ATAD5: variants seen among roughly 807,000 people sequenced by gnomAD.
The protein encoded by ATAD5 is ATPase family AAA domain-containing protein 5.
A neutral mutation model predicts 176.9 loss-of-function variants in ATAD5; 58 were observed. The observed-to-expected ratio is 0.33, with a 90% CI of 0.27 to 0.41. ATAD5 has a LOEUF of 0.41. Ranked by LOEUF, ATAD5 falls within the 10% of genes least tolerant of loss-of-function variation. The pLI is 1.00. For synonymous variants in ATAD5, 640 were observed against 712.6 expected (o/e 0.90, Z 1.62); for missense variants, 1,789 against 2,094.1 (o/e 0.85, Z 2.84).
At chr17:30,851,239 A>G (rs986217019) in intron 6 of ATAD5, among the ~76,000 whole-genome samples, 23 of 150,146 alleles carry the variant, frequency 1.5e-4, no homozygotes, top group African/African-American at 5.1e-4. Flanking sequence ...GCTCACATCT[A>G]TAATCCCAGC....
chr17:30,845,996 G>A (rs1021212966), intron 6 of ATAD5, among the ~76,000 whole-genome samples: 1 of 152,120 alleles, frequency 6.6e-6, no homozygotes, highest in Non-Finnish European at 1.5e-5. Context: ...CTTTTTTTCT[G>A]TTCAAGTTTT....
Position 30,878,718 on chromosome 17 carries a change from GTTTTTTTTTTTTTT to G in ATAD5, c.4012+639_4012+652del, listed in dbSNP as rs71142005. On this transcript the variant is annotated intron_variant, in intron 17 of 22. Transcript: ENST00000321990. ...TCTTATTAATCAGAAGTTAGGTGGT[GTTTTTTTTTTTTTT>G]TTTTTTTTTTTTTTTTGGAGACAGA... Among the ~76,000 whole-genome samples the G allele has an allele frequency of 3.7e-4, 21 of 56,880 alleles. No homozygotes were observed. The South Asian group carries it at 5.3e-3, about 14-fold the overall frequency. 37.3% of individuals were successfully genotyped at this position (56,880 alleles called of 152,430 possible). A position where few individuals can be genotyped will look rare whatever the true frequency, so the allele number is the denominator to read the frequency against.
intron 4 of ATAD5, 46 bp downstream of exon 4, chr17:30,840,827 C>A: frequency 6.5e-7 from 1 of 1,541,414 alleles, no homozygotes; most frequent in Non-Finnish European, 8.8e-7. Context: ...TCCTATTTTG[C>A]TGTTTGGAGT....
At position 30,834,874 on chromosome 17, in the gene ATAD5, G is replaced by A. The variant is rs778985545; in HGVS notation, c.793G>A (p.Val265Ile). ...AAQLNDSIIT[V>I]SYEEFLKSHK... ...CCAGTTAAATGATAGTATAATAACT[G>A]TCTCATATGAGGAATTTTTAAAAAG... The change falls in exon 2 of 23, where the codon GTC becomes ATC. Residue 265 changes from valine to isoleucine, a missense_variant. By Grantham distance (29) the Val-to-Ile change is conservative. Around this residue, in one of 6 missense-constraint regions of ATAD5, gnomAD observed 696 missense variants for 712.5 expected, o/e 0.98. Coordinates refer to ENST00000321990, the MANE Select transcript of ATAD5 (RefSeq NM_024857.5). The A allele has an allele frequency of 6.2e-7, 1 of 1,613,598 alleles. No individual in the cohort carries two copies. Among genetic ancestry groups the A allele is most frequent in the South Asian group, 1.1e-5 (1 of 90,942 alleles).
chr17:30,833,767 G>A (rs984471778), intron 1 of ATAD5, among the ~76,000 whole-genome samples: 2 of 152,204 alleles, frequency 1.3e-5, no homozygotes, highest in African/African-American at 2.4e-5. Context: ...TGCAACCTCC[G>A]CCTCCCAGGT....
At chr17:30,858,380 TTTA>T in intron 9 of ATAD5, 57 bp downstream of exon 9, 2 of 1,140,702 alleles carry the variant, frequency 1.8e-6, no homozygotes, top group East Asian at 3.2e-5. Flanking sequence ...TTTTATATTA[TTTA>T]TTATTTTATT....
chr17:30,881,394 G>T (rs1194951191), intron 18 of ATAD5, among the ~76,000 whole-genome samples: 2 of 152,050 alleles, frequency 1.3e-5, no homozygotes, highest in Non-Finnish European at 2.9e-5. Context: ...CCAACTCCTG[G>T]GTTCAAGCAA....
At chr17:30,847,582 G>A (rs563788449) in intron 6 of ATAD5, among the ~76,000 whole-genome samples, 2 of 151,402 alleles carry the variant, frequency 1.3e-5, no homozygotes, top group East Asian at 3.9e-4. Context: ...CGCCTGCCTC[G>A]GCCTCCCAAA....
chr17:30,869,743 C>T, intron 14 of ATAD5, 97 bp downstream of exon 14: 1 of 1,351,436 alleles, frequency 7.4e-7, no homozygotes, highest in Non-Finnish European at 1.0e-6. Flanking sequence ...TATTTTTTAT[C>T]TTCTACACGT....
chr17:30,839,660 A>T (rs151074696), intron 3 of ATAD5, among the ~76,000 whole-genome samples: 1,397 of 57,192 alleles, frequency 0.024, 59 homozygotes, highest in Admixed American at 0.14. Flanking sequence ...GCTCACTGCA[A>T]CCTCGGCTTC....
chr17:30,869,878 A>G, intron 14 of ATAD5: 3 of 474,852 alleles, frequency 6.3e-6, no homozygotes, highest in South Asian at 2.5e-5. Flanking sequence ...AAGCATAACT[A>G]TAATATCGTA....
chr17:30,858,289 C>G lies in ATAD5; in HGVS notation c.2922C>G (p.His974Gln), dbSNP rs377366933. 108 of 1,571,632 alleles carry G rather than the reference C, an allele frequency of 6.9e-5. No individual in the cohort carries two copies. The highest frequency in any genetic ancestry group is 8.5e-5 in the Non-Finnish European group (99 of 1,159,108). The change falls in exon 9 of 23, where the codon CAC becomes CAG. Residue 974 changes from histidine to glutamine, a missense_variant. Physicochemically the swap from His to Gln is conservative, Grantham distance 24. This residue lies in a region of ATAD5 where 487 missense variants were observed against 573.6 expected (regional missense o/e 0.85). Coordinates refer to ENST00000321990, the MANE Select transcript of ATAD5 (RefSeq NM_024857.5). Reference protein sequence around the residue: ...FPLLLKKQIEHQVLSSECHSK... With the variant: ...FPLLLKKQIEQQVLSSECHSK... ...TACTCCTAAAAAAACAAATTGAGCA[C>G]CAAGTACTTTCTTCCGAGTGTCATA...
chr17:30,842,898 C>T (rs1259242444), intron 4 of ATAD5, among the ~76,000 whole-genome samples: 1 of 152,092 alleles, frequency 6.6e-6, no homozygotes, highest in Non-Finnish European at 1.5e-5. Flanking sequence ...CATGCACCAT[C>T]ACACCTGGCT....
At chr17:30,888,968 G>A (rs1009261837) in intron 19 of ATAD5, among the ~76,000 whole-genome samples, 9 of 151,186 alleles carry the variant, frequency 6.0e-5, no homozygotes, top group Non-Finnish European at 8.8e-5. Context: ...GCTGAGGCAG[G>A]AGAATTGCTT....
intron 18 of ATAD5, among the ~76,000 whole-genome samples, chr17:30,883,211 A>T (rs950930268): frequency 6.8e-6 from 1 of 147,954 alleles, no homozygotes; most frequent in African/African-American, 2.5e-5. Context: ...TGCAACCTCT[A>T]CCTCCTGGGC....
chr17:30,837,262 G>T lies in ATAD5; in HGVS notation c.2024G>T (p.Arg675Ile). 3 of 1,581,254 alleles carry T rather than the reference G, an allele frequency of 1.9e-6. No individual in the cohort carries two copies. Among genetic ancestry groups the T allele is most frequent in the Non-Finnish European group, 2.6e-6 (3 of 1,168,348 alleles). ...PKKSKKKSNK[R>I]SEKSEATDGG... is the part of the protein sequence containing the mutation. ...AAATCTAAGAAAAAATCTAACAAAAGATCTGAGAAATCTGAAGCAACTGAT... is the reference window on the plus strand; with the variant it reads ...AAATCTAAGAAAAAATCTAACAAAATATCTGAGAAATCTGAAGCAACTGAT... The change falls in exon 3 of 23, where the codon AGA becomes ATA. Residue 675 changes from arginine to isoleucine, a missense_variant. Physicochemically the swap from Arg to Ile is moderately conservative, Grantham distance 97. Coordinates refer to ENST00000321990, the MANE Select transcript of ATAD5 (RefSeq NM_024857.5).
intron 19 of ATAD5, among the ~76,000 whole-genome samples, chr17:30,887,950 G>A (rs1909410848): frequency 6.6e-6 from 1 of 151,922 alleles, no homozygotes; most frequent in Non-Finnish European, 1.5e-5. Context: ...TCCTGCCTCA[G>A]CCTCCCGAGT....
In ATAD5 at chr17:30,893,846, G is replaced by T. The variant is rs1483248464; in HGVS notation, c.4993G>T (p.Asp1665Tyr). 2 of 1,613,944 alleles carry T rather than the reference G, an allele frequency of 1.2e-6. No homozygotes were observed. The highest frequency in any genetic ancestry group is 1.7e-5 in the Admixed American group (1 of 60,004). Residue 1665 changes from aspartate (D) to tyrosine (Y), a missense_variant, in exon 21 of 23, where the codon GAT (aspartate) becomes TAT (tyrosine). By Grantham distance (160) the Asp-to-Tyr change is radical. Transcript: ENST00000321990. ...NMSFLDALLT[D>Y]VREQNKYGRN... The stretch of plus-strand genomic sequence containing the variant: ...GTCCTTCTTAGATGCACTTTTAACT[G>T]ATGTAAGGGAACAAAACAAATACGG...
chr17:30,876,129 CCT>C (rs748799078), intron 14 of ATAD5, among the ~76,000 whole-genome samples: 17 of 151,398 alleles, frequency 1.1e-4, no homozygotes, highest in African/African-American at 3.2e-4. Flanking sequence ...GGAGCGAGAC[CCT>C]GTCTCAAAAA....
Sources: allele counts gnomAD v4.1 joint callset (sites outside exome capture counted in the v4.1 genomes callset), GRCh38; gene constraint gnomAD v4.1.1; regional missense constraint gnomAD v4.1.1; transcripts MANE v1.5; gene names NCBI Gene and HGNC (gene_info 2026-07-23, HGNC 2026-07-21).